Variants in BIRC6 observed in about 807,000 individuals in gnomAD.
The protein encoded by BIRC6 is baculoviral IAP repeat containing 6, also known as dual E2 ubiquitin-conjugating enzyme/E3 ubiquitin-protein ligase BIRC6.
A neutral mutation model predicts 503.3 loss-of-function variants in BIRC6; 98 were observed. That is an observed-to-expected ratio of 0.19 (90% CI 0.17 to 0.23). BIRC6 has a LOEUF of 0.23. Among genes scored for constraint, BIRC6 ranks in the 10% least tolerant of loss-of-function variants. The probability of loss-of-function intolerance (pLI) is 1.00; values close to 1 mark genes in which losing one functional copy is unlikely to be tolerated. For synonymous variants in BIRC6, 2,240 were observed against 2,078.7 expected, an observed-to-expected ratio of 1.08 and a Z score of -2.11; for missense variants, 5,360 against 5,806.0, an observed-to-expected ratio of 0.92 and a Z score of 2.50.
chr2:32,445,380 T>C, intron 20 of BIRC6, 141 bp from the exon 21 acceptor site: 2 of 815,584 alleles, frequency 2.5e-6, no homozygotes, highest in Non-Finnish European at 3.6e-6. Context: ...TCTTTGTAAA[T>C]TGCCTATAAG....
intron 65 of BIRC6, among the ~76,000 whole-genome samples, chr2:32,572,114 A>C (rs1573096001): frequency 6.6e-6 from 1 of 152,230 alleles, no homozygotes; most frequent in East Asian, 1.9e-4. Flanking sequence ...GATTTTCAAA[A>C]ATTTTGTTAA....
Position 32,587,721 on chromosome 2 carries a change from C to G in BIRC6, c.13356-6194C>G, listed in dbSNP as rs571758831. Among the ~76,000 whole-genome samples the G allele has an allele frequency of 3.9e-5, 6 of 152,254 alleles. No homozygotes were observed. The South Asian group carries it at 1.2e-3, about 32-fold the overall frequency. On this transcript the variant is annotated intron_variant, in intron 66 of 73. Coordinates refer to ENST00000421745, the MANE Select transcript of BIRC6 (RefSeq NM_016252.4). ...CCTGTGCGACAGAGCGAGAATCTAT[C>G]TCAGAAAAATAAAAAGAGAAGAAAA...
chr2:32,455,500 G>T (rs963895992), intron 23 of BIRC6, among the ~76,000 whole-genome samples: 1 of 152,014 alleles, frequency 6.6e-6, no homozygotes. Flanking sequence ...GCAGGCACCT[G>T]CCTGTAGTCC....
At chr2:32,473,752 T>TGTGTGTGTGTGTG (rs1491234577) in intron 33 of BIRC6, among the ~76,000 whole-genome samples, 1 of 101,672 alleles carries the variant, frequency 9.8e-6, no homozygotes, top group Non-Finnish European at 2.0e-5. Flanking sequence ...TGTGTGTGTA[T>TGTGTGTGTGTGTG]TTTTTTTTTT....
intron 10 of BIRC6, among the ~76,000 whole-genome samples, chr2:32,421,112 C>CTTTTT (rs779700746): frequency 3.0e-5 from 4 of 132,290 alleles, no homozygotes; most frequent in Admixed American, 7.6e-5. Context: ...TTCTTTCTTT[C>CTTTTT]TTTTTTTTTT....
chr2:32,570,479 T>G (rs1246943511), intron 65 of BIRC6, among the ~76,000 whole-genome samples: 2 of 146,168 alleles, frequency 1.4e-5, no homozygotes, highest in African/African-American at 5.1e-5. Flanking sequence ...CTACAGTGCG[T>G]GGCCATTTAT....
chr2:32,537,762 C>T (rs1481818637), intron 61 of BIRC6, among the ~76,000 whole-genome samples: 4 of 151,984 alleles, frequency 2.6e-5, no homozygotes, highest in African/African-American at 7.2e-5. Context: ...GTCAGGAGAT[C>T]GAGACCATCC....
In BIRC6 at chr2:32,441,375, A is replaced by C. The variant is rs1296433293; in HGVS notation, c.3857A>C (p.Lys1286Thr). The change falls in exon 17 of 74, where the codon AAA (lysine) becomes ACA (threonine). Residue 1286 changes from lysine to threonine, a missense_variant. By Grantham distance (78) the Lys-to-Thr change is moderately conservative (BLOSUM62 -1). Transcript: ENST00000421745. ...VKNENTSGTRKSENLRGCDLL... is the reference protein window; with the variant it reads ...VKNENTSGTRTSENLRGCDLL... Reference sequence around the variant, plus strand: ...AATGAAAATACAAGTGGCACCCGTAAATCTGAAAACCTCCGGGGCTGTGAT... The same window carrying C: ...AATGAAAATACAAGTGGCACCCGTACATCTGAAAACCTCCGGGGCTGTGAT... 1.2e-6 allele frequency: 2 copies of C among 1,605,846 alleles called. No homozygotes were observed. The highest frequency in any genetic ancestry group is 1.7e-6 in the Non-Finnish European group (2 of 1,173,510).
At chr2:32,460,577 C>G (rs1000810379) in intron 23 of BIRC6, among the ~76,000 whole-genome samples, 5 of 151,580 alleles carry the variant, frequency 3.3e-5, no homozygotes. Flanking sequence ...ATGCCTGGCC[C>G]AGCCCTATAT....
chr2:32,488,506 T>G (rs1421378251), intron 41 of BIRC6, 82 bp from the exon 42 acceptor site: 43 of 1,224,862 alleles, frequency 3.5e-5, no homozygotes, highest in Non-Finnish European at 2.3e-5. Flanking sequence ...TGACAAGAAT[T>G]TAAACATAAG....
At chr2:32,374,546 C>T (rs1343561227) in intron 1 of BIRC6, among the ~76,000 whole-genome samples, 2 of 151,074 alleles carry the variant, frequency 1.3e-5, no homozygotes, top group African/African-American at 4.9e-5. Flanking sequence ...GATCTTGGCT[C>T]ACTGCAAGCT....
In BIRC6 at chr2:32,430,850, C is replaced by G. The variant is rs761589780; in HGVS notation, c.3023-15C>G. The G allele has an allele frequency of 4.8e-6, 4 of 828,038 alleles. No homozygotes were observed. Among genetic ancestry groups the G allele is most frequent in the African/African-American group, 1.8e-5 (1 of 54,410 alleles). 51.3% of individuals were successfully genotyped at this position (828,038 alleles called of 1,614,324 possible). A position where few individuals can be genotyped will look rare whatever the true frequency, so the allele number is the denominator to read the frequency against. On this transcript the variant is annotated splice_polypyrimidine_tract_variant and intron_variant, in intron 11 of 73. Coordinates refer to ENST00000421745, the MANE Select transcript of BIRC6 (RefSeq NM_016252.4). The stretch of plus-strand genomic sequence containing the variant: ...TTCCACACCTATTTCAAATACTGCT[C>G]TCACTAATGTTAAGGAGTTGATTTA...
intron 61 of BIRC6, among the ~76,000 whole-genome samples, chr2:32,540,999 A>G (rs919057768): frequency 2.0e-5 from 3 of 151,998 alleles, no homozygotes; most frequent in Non-Finnish European, 2.9e-5. Context: ...AGGGTCTTTC[A>G]CTTGTTAAAG....
rs569532626 is a variant in BIRC6, at chr2:32,399,491, T to C, written c.1035-1672T>C. 1.1e-4 allele frequency among the ~76,000 whole-genome samples: 16 copies of C among 152,318 alleles called. No individual in the cohort carries two copies. The South Asian group carries it at 3.3e-3, about 32-fold the overall frequency. ...TACTGCAGCCTCATATTCTTGGGCTTAAGCAGTCCTCCTGCCTCAGCCTCC... is the reference window on the plus strand; with the variant it reads ...TACTGCAGCCTCATATTCTTGGGCTCAAGCAGTCCTCCTGCCTCAGCCTCC... On this transcript the variant is annotated intron_variant, in intron 6 of 73. Coordinates refer to ENST00000421745, the MANE Select transcript of BIRC6 (RefSeq NM_016252.4).
rs2049325031 is a variant in BIRC6, at chr2:32,473,423, C to T, written c.6720+184C>T. On this transcript the variant is annotated intron_variant, in intron 33 of 73. Coordinates refer to ENST00000421745, the MANE Select transcript of BIRC6 (RefSeq NM_016252.4). ...TAAAATGACGACAATGTATAGTTTA[C>T]AGACTTTGTTGATGTTCCTTTAACA... Among the ~76,000 whole-genome samples the T allele has an allele frequency of 2.6e-5, 4 of 152,128 alleles. No individual in the cohort carries two copies. In the South Asian group the frequency reaches 8.3e-4, roughly 31 times the overall value.
chr2:32,422,987 A>G lies in BIRC6; in HGVS notation c.2873-6159A>G, dbSNP rs148244059. Among the ~76,000 whole-genome samples, 854 of 152,238 alleles carry G rather than the reference A, an allele frequency of 5.6e-3. 9 individuals carry two copies. Among genetic ancestry groups the G allele is most frequent in the African/African-American group, 0.019 (797 of 41,536 alleles). On this transcript the variant is annotated intron_variant, in intron 10 of 73. Transcript: ENST00000421745. The stretch of plus-strand genomic sequence containing the variant: ...AGTCTTGCTCTGTTGCCAAGGCTGG[A>G]GTGCAGTGGTGCCGATCTCAGCTCA...
chr2:32,462,533 A>G (rs1312117088), intron 23 of BIRC6, among the ~76,000 whole-genome samples: 1 of 152,154 alleles, frequency 6.6e-6, no homozygotes, highest in African/African-American at 2.4e-5. Context: ...TCCTTTTGGT[A>G]GGTGAAGTGG....
At chr2:32,551,669 A>C (rs929529315) in intron 65 of BIRC6, among the ~76,000 whole-genome samples, 3 of 152,158 alleles carry the variant, frequency 2.0e-5, no homozygotes, top group African/African-American at 7.2e-5. Flanking sequence ...AATTAGTCTA[A>C]AGTTTATTTT....
In BIRC6 at chr2:32,509,929, G is replaced by C; in HGVS notation, c.10172G>C (p.Arg3391Thr). ...VLVKIGLQST[R>T]IGLKLIDILL... ...GTAAAGATAGGACTGCAGTCTACTA[G>C]AATTGGCCTGAAGCTCATAGACATT... The change falls in exon 52 of 74, where the codon AGA becomes ACA. Residue 3391 changes from arginine (R) to threonine (T), a missense_variant. Coordinates refer to ENST00000421745, the MANE Select transcript of BIRC6 (RefSeq NM_016252.4). 1 of 1,613,988 alleles carries C rather than the reference G, an allele frequency of 6.2e-7. No individual in the cohort carries two copies. The highest frequency in any genetic ancestry group is 1.1e-5 in the South Asian group (1 of 91,084).
Sources: gnomAD v4.1 joint callset for allele counts (sites outside exome capture counted in the v4.1 genomes callset) on GRCh38, gnomAD v4.1.1 for gene constraint, MANE v1.5 for transcripts, NCBI Gene and HGNC (gene_info 2026-07-23, HGNC 2026-07-21) for gene names.